CTNND2: variants seen among roughly 807,000 people sequenced by gnomAD.
The protein encoded by CTNND2 is catenin delta-2.
A neutral mutation model predicts 144.4 loss-of-function variants in CTNND2; 22 were observed. The ratio of observed to expected loss-of-function variants is 0.15; its 90% CI spans 0.11 to 0.22. The LOEUF is 0.22. Among genes scored for constraint, CTNND2 ranks in the 10% least tolerant of loss-of-function variants. The pLI, the probability that CTNND2 is intolerant of heterozygous loss-of-function variation, is 1.00. For missense variants in CTNND2, 1,353 were observed against 1,618.8 expected (o/e 0.84, Z 2.82); for synonymous variants, 751 against 695.6 (o/e 1.08, Z -1.25).
chr5:11,341,660 A>C (rs1187078860), intron 9 of CTNND2, among the ~76,000 whole-genome samples: 1 of 152,212 alleles, frequency 6.6e-6, no homozygotes, highest in African/African-American at 2.4e-5. Context: ...AAGTTACATA[A>C]TACTGTTTAA....
At chr5:11,702,492 C>T (rs1469336788) in intron 2 of CTNND2, among the ~76,000 whole-genome samples, 1 of 152,118 alleles carries the variant, frequency 6.6e-6, no homozygotes, top group Non-Finnish European at 1.5e-5. Context: ...ATTAGTTATT[C>T]CCCTTGATCA....
intron 3 of CTNND2, among the ~76,000 whole-genome samples, chr5:11,491,009 GAAAC>G (rs1769333288): frequency 6.6e-6 from 1 of 152,060 alleles, no homozygotes; most frequent in African/African-American, 2.4e-5. Flanking sequence ...TTAAAAATAA[GAAAC>G]AAATAAAATC....
chr5:10,986,644 TCCA>T, intron 20 of CTNND2: 1 of 455,920 alleles, frequency 2.2e-6, no homozygotes, highest in Non-Finnish European at 4.4e-6. Context: ...TAACCTAGAG[TCCA>T]TGTAATGAGT....
intron 5 of CTNND2, among the ~76,000 whole-genome samples, chr5:11,399,214 G>A (rs1581112656): frequency 1.3e-5 from 2 of 152,282 alleles, no homozygotes; most frequent in African/African-American, 4.8e-5. Context: ...TGGGCATAAT[G>A]GCTTGTACTG....
chr5:11,762,581 T>G (rs956301330), intron 1 of CTNND2, among the ~76,000 whole-genome samples: 1 of 152,226 alleles, frequency 6.6e-6, no homozygotes, highest in African/African-American at 2.4e-5. Flanking sequence ...GAAAGCTTGC[T>G]TTAAGATGGA....
In CTNND2 at chr5:11,707,318, C is replaced by T. The variant is rs1043803640; in HGVS notation, c.174+24818G>A. Among the ~76,000 whole-genome samples the T allele has an allele frequency of 1.2e-4, 18 of 152,240 alleles. 1 individual carries two copies. Among genetic ancestry groups the T allele is most frequent in the Admixed American group, 3.3e-4 (5 of 15,288 alleles). On this transcript the variant is annotated intron_variant, in intron 2 of 21. Transcript: ENST00000304623. ...CAAGGTGTGACTGCAGAAACAGAGC[C>T]GGTCTGCCAGTCCCATCCTCCTCTC...
At chr5:11,610,763 G>A (rs537267640) in intron 2 of CTNND2, among the ~76,000 whole-genome samples, 4 of 152,236 alleles carry the variant, frequency 2.6e-5, no homozygotes, top group African/African-American at 9.6e-5. Context: ...TGACATATTA[G>A]AGGTTTGTCT....
intron 3 of CTNND2, among the ~76,000 whole-genome samples, chr5:11,470,996 T>TTA (rs1767170668): frequency 1.0e-5 from 1 of 97,586 alleles, no homozygotes; most frequent in Non-Finnish European, 2.4e-5. Flanking sequence ...TTTTTTTTTT[T>TTA]AGATGGAGTC....
chr5:11,479,914 T>C (rs1768089966), intron 3 of CTNND2, among the ~76,000 whole-genome samples: 1 of 152,242 alleles, frequency 6.6e-6, no homozygotes, highest in African/African-American at 2.4e-5. Flanking sequence ...ATTGGATCTT[T>C]GTAAGATGCA....
intron 10 of CTNND2, among the ~76,000 whole-genome samples, chr5:11,228,372 A>C (rs1007256114): frequency 2.0e-5 from 3 of 149,222 alleles, no homozygotes; most frequent in African/African-American, 5.0e-5. Flanking sequence ...AAAAAAAAAA[A>C]AAAAAAACAA....
chr5:11,119,926 T>G (rs751171005), intron 12 of CTNND2, among the ~76,000 whole-genome samples: 4 of 152,188 alleles, frequency 2.6e-5, no homozygotes, highest in Non-Finnish European at 4.4e-5. Flanking sequence ...AATTCACCAA[T>G]AAACTTCCTA....
chr5:11,250,491 C>CTCTCTCTCTATATATATATA (rs869141186), intron 9 of CTNND2, among the ~76,000 whole-genome samples: 61 of 64,074 alleles, frequency 9.5e-4, no homozygotes, highest in Non-Finnish European at 1.3e-3. Flanking sequence ...CTCTCTCTCT[C>CTCTCTCTCTATATATATATA]TATATATATA....
intron 1 of CTNND2, 53 bp from the exon 2 acceptor site, chr5:11,732,325 T>C (rs984261132): frequency 2.6e-6 from 4 of 1,561,518 alleles, no homozygotes; most frequent in Non-Finnish European, 3.5e-6. Flanking sequence ...ACTAAACAGG[T>C]ACAACTATCA....
intron 11 of CTNND2, among the ~76,000 whole-genome samples, chr5:11,195,739 T>C (rs1159411285): frequency 6.6e-6 from 1 of 152,230 alleles, no homozygotes; most frequent in African/African-American, 2.4e-5. Context: ...CTGAAATCTT[T>C]AGTTGGGCAT....
chr5:11,462,380 G>A (rs1766297230), intron 3 of CTNND2, among the ~76,000 whole-genome samples: 1 of 152,136 alleles, frequency 6.6e-6, no homozygotes, highest in Non-Finnish European at 1.5e-5. Flanking sequence ...ATAAAGCACT[G>A]ATACACCCCT....
chr5:11,418,401 C>T (rs960835397), intron 3 of CTNND2, among the ~76,000 whole-genome samples: 5 of 151,724 alleles, frequency 3.3e-5, no homozygotes, highest in South Asian at 2.1e-4. Context: ...AGTGAAACTC[C>T]GTCTCAAAAA....
chr5:11,258,118 G>T (rs540605948), intron 9 of CTNND2, among the ~76,000 whole-genome samples: 1 of 152,302 alleles, frequency 6.6e-6, no homozygotes, highest in East Asian at 1.9e-4. Context: ...TTGGCAGGAA[G>T]CGAGACTCGT....
rs554199268 is a variant in CTNND2 at position 11,393,323 on chromosome 5, C to T, written c.612+3708G>A. 2.0e-5 allele frequency among the ~76,000 whole-genome samples: 3 copies of T among 152,322 alleles called. No individual in the cohort carries two copies. In the East Asian group the frequency reaches 5.8e-4, roughly 29 times the overall value. On this transcript the variant is annotated intron_variant, in intron 6 of 21. Coordinates refer to ENST00000304623, the MANE Select transcript of CTNND2 (RefSeq NM_001332.4). ...TTCCCTAAGATTGCGGTTGTGCACACTGTTCAATTCTACTGGAGAATATGC... is the reference window on the plus strand; with the variant it reads ...TTCCCTAAGATTGCGGTTGTGCACATTGTTCAATTCTACTGGAGAATATGC...
At chr5:11,753,879 T>C (rs1455108582) in intron 1 of CTNND2, among the ~76,000 whole-genome samples, 1 of 151,790 alleles carries the variant, frequency 6.6e-6, no homozygotes, top group East Asian at 1.9e-4. Flanking sequence ...GATTGCAATT[T>C]CTTCCTTTTC....
Sources: allele counts gnomAD v4.1 joint callset (sites outside exome capture counted in the v4.1 genomes callset), GRCh38; gene constraint gnomAD v4.1.1; transcripts MANE v1.5; gene names NCBI Gene and HGNC (gene_info 2026-07-23, HGNC 2026-07-21).